Variants in ATP10D observed in about 807,000 individuals in gnomAD.
ATP10D encodes ATPase phospholipid transporting 10D (putative).
ATP10D carries 89 observed loss-of-function variants against 144.8 expected under a neutral mutation model. The observed-to-expected ratio is 0.61, with a 90% CI of 0.52 to 0.73. The LOEUF (loss-of-function observed/expected upper bound fraction) is 0.73. Ranked by LOEUF, ATP10D falls within the 30% of genes least tolerant of loss-of-function variation. The pLI, the probability that ATP10D is intolerant of heterozygous loss-of-function variation, is 0.00. For synonymous variants in ATP10D, 571 were observed against 615.1 expected, an observed-to-expected ratio of 0.93 and a Z score of 1.06; for missense variants, 1,603 against 1,714.8, an observed-to-expected ratio of 0.93 and a Z score of 1.15.
intron 1 of ATP10D, among the ~76,000 whole-genome samples, chr4:47,511,771 T>C (rs968452635): frequency 6.6e-6 from 1 of 152,186 alleles, no homozygotes; most frequent in Non-Finnish European, 1.5e-5. Flanking sequence ...CGCTTGTTAG[T>C]GGTCAGTTGG....
Position 47,561,017 on chromosome 4 carries a change from C to T in ATP10D, c.2610C>T (p.Asn870=). 1 of 1,614,038 alleles carries T rather than the reference C, an allele frequency of 6.2e-7. No individual in the cohort carries two copies. The highest frequency in any genetic ancestry group is 1.3e-5 in the African/African-American group (1 of 75,042). ...NHFLAETSID[N]REELLLESAM... is the part of the protein sequence containing the mutation. ...TTTTAGCTGAAACCAGCATTGACAA[C>T]AGGGAAGAATTACTACTTGAATCTG... Residue 870 remains asparagine (N), a synonymous_variant, in exon 14 of 23, where the codon AAC becomes AAT. Transcript: ENST00000273859.
chr4:47,503,411 T>C (rs955788590), intron 1 of ATP10D, among the ~76,000 whole-genome samples: 63 of 152,198 alleles, frequency 4.1e-4, no homozygotes, highest in Admixed American at 1.2e-3. Context: ...ATTTAAGCAC[T>C]CTTTTCTAAA....
chr4:47,567,525 A>G (rs1719704918), intron 15 of ATP10D, among the ~76,000 whole-genome samples: 1 of 152,228 alleles, frequency 6.6e-6, no homozygotes, highest in Non-Finnish European at 1.5e-5. Context: ...TATTCTTTCA[A>G]TTACAATACC....
chr4:47,496,233 C>T (rs1232168308), intron 1 of ATP10D, among the ~76,000 whole-genome samples: 1 of 148,030 alleles, frequency 6.8e-6, no homozygotes, highest in Admixed American at 6.9e-5. Context: ...TCTCAGCTCA[C>T]AGAAACCTCC....
In ATP10D at chr4:47,555,698, A is replaced by G. The variant is rs1718950539; in HGVS notation, c.1824+784A>G. On this transcript the variant is annotated intron_variant, in intron 11 of 22. Transcript: ENST00000273859. ...TGAGACCTCCAACATCGTATGTATT[A>G]TATCAGGCAAAATATACCGTATTGG... Among the ~76,000 whole-genome samples the G allele has an allele frequency of 3.9e-5, 6 of 152,208 alleles. No individual in the cohort carries two copies. The South Asian group carries it at 1.2e-3, about 32-fold the overall frequency.
chr4:47,507,124 A>G (rs1174509616), intron 1 of ATP10D, among the ~76,000 whole-genome samples: 1 of 152,208 alleles, frequency 6.6e-6, no homozygotes. Context: ...TGAATAATTG[A>G]TACAGTTGTT....
chr4:47,567,197 A>C (rs1333425745), intron 15 of ATP10D, among the ~76,000 whole-genome samples: 2 of 152,236 alleles, frequency 1.3e-5, no homozygotes, highest in African/African-American at 4.8e-5. Flanking sequence ...AAACATCTCA[A>C]GTATTGTGAA....
At chr4:47,491,369 C>T in intron 1 of ATP10D, 1 of 742,368 alleles carries the variant, frequency 1.3e-6, no homozygotes, top group Non-Finnish European at 2.5e-6. Context: ...TATAGATTCA[C>T]AGGTATGTGG....
chr4:47,556,349 AG>A (rs1293495363), intron 11 of ATP10D, among the ~76,000 whole-genome samples: 6 of 152,242 alleles, frequency 3.9e-5, no homozygotes, highest in Non-Finnish European at 7.3e-5. Flanking sequence ...TATTTTTACA[AG>A]GCTTTGCCTA....
intron 18 of ATP10D, among the ~76,000 whole-genome samples, chr4:47,574,653 G>A (rs140399467): frequency 3.3e-3 from 502 of 152,288 alleles, no homozygotes; most frequent in African/African-American, 0.011. Flanking sequence ...TTGGGAGGCC[G>A]AAGCAGATAG....
intron 14 of ATP10D, among the ~76,000 whole-genome samples, chr4:47,562,745 G>T (rs190550860): frequency 5.7e-4 from 87 of 152,138 alleles, no homozygotes; most frequent in African/African-American, 1.9e-3. Context: ...GCAATCATAG[G>T]CTTATCACAG....
Position 47,486,091 on chromosome 4 carries a change from G to C in ATP10D, c.-38+572G>C, listed in dbSNP as rs535513683. Among the ~76,000 whole-genome samples the C allele has an allele frequency of 4.6e-5, 7 of 152,274 alleles. No homozygotes were observed. In the East Asian group the frequency reaches 9.6e-4, roughly 21 times the overall value. ...GCTTTCTCGGAAATAGTTTTCAAAGGAGTGCTACAAAGAAGCCCCCATGCT... is the reference window on the plus strand; with the variant it reads ...GCTTTCTCGGAAATAGTTTTCAAAGCAGTGCTACAAAGAAGCCCCCATGCT... On this transcript the variant is annotated intron_variant, in intron 1 of 22. Coordinates refer to ENST00000273859, the MANE Select transcript of ATP10D (RefSeq NM_020453.4).
chr4:47,536,741 T>C lies in ATP10D; in HGVS notation c.1199T>C (p.Ile400Thr), dbSNP rs1378404086. Residue 400 changes from isoleucine (I) to threonine (T), a missense_variant, in exon 9 of 23, where the codon ATA becomes ACA. Coordinates refer to ENST00000273859, the MANE Select transcript of ATP10D (RefSeq NM_020453.4). ...ATCGAAATTGTGAAGCTTGGACAAA[T>C]ATATTTCATTCAAAGTGATGTGGAT... ...VSIEIVKLGQ[I>T]YFIQSDVDFY... 1 of 1,613,402 alleles carries C rather than the reference T, an allele frequency of 6.2e-7. No homozygotes were observed.
chr4:47,540,436 G>C (rs1019189441), intron 9 of ATP10D, among the ~76,000 whole-genome samples: 1 of 152,136 alleles, frequency 6.6e-6, no homozygotes, highest in African/African-American at 2.4e-5. Context: ...CCCCTCTTCA[G>C]AGCTTCAATT....
intron 9 of ATP10D, among the ~76,000 whole-genome samples, chr4:47,539,871 A>G (rs935058268): frequency 4.6e-5 from 7 of 152,210 alleles, no homozygotes; most frequent in Non-Finnish European, 1.0e-4. Context: ...TAGTCACTGA[A>G]CATACATATC....
intron 3 of ATP10D, among the ~76,000 whole-genome samples, chr4:47,519,013 A>G (rs1263899544): frequency 6.6e-6 from 1 of 152,242 alleles, no homozygotes; most frequent in Non-Finnish European, 1.5e-5. Context: ...CAAAAATTAA[A>G]TAAGTTGATA....
intron 3 of ATP10D, among the ~76,000 whole-genome samples, chr4:47,518,148 A>G (rs1420191628): frequency 2.0e-5 from 3 of 152,196 alleles, no homozygotes; most frequent in African/African-American, 7.2e-5. Flanking sequence ...TTATTTCTCC[A>G]CAAATTTAGG....
At chr4:47,507,280 T>G (rs1318815904) in intron 1 of ATP10D, among the ~76,000 whole-genome samples, 1 of 152,194 alleles carries the variant, frequency 6.6e-6, no homozygotes, top group Non-Finnish European at 1.5e-5. Context: ...TTTTTATATA[T>G]TAACTCATTG....
chr4:47,508,613 G>A (rs1716148970), intron 1 of ATP10D, among the ~76,000 whole-genome samples: 1 of 152,160 alleles, frequency 6.6e-6, no homozygotes, highest in Admixed American at 6.5e-5. Flanking sequence ...ATTTAAAACG[G>A]GTGAACTGCA....
Sources: allele counts gnomAD v4.1 joint callset (sites outside exome capture counted in the v4.1 genomes callset), GRCh38; gene constraint gnomAD v4.1.1; transcripts MANE v1.5; gene names NCBI Gene and HGNC (gene_info 2026-07-23, HGNC 2026-07-21).